The following PTPRD variants were observed in gnomAD, a reference collection of about 807,000 sequenced individuals.
The protein encoded by PTPRD is protein tyrosine phosphatase receptor type D.
A neutral mutation model predicts 214.5 loss-of-function variants in PTPRD; 34 were observed. That is an observed-to-expected ratio of 0.16 (90% CI 0.12 to 0.21). PTPRD has a LOEUF of 0.21. Among genes scored for constraint, PTPRD ranks in the 10% least tolerant of loss-of-function variants. The pLI is 1.00. For missense variants in PTPRD, 2,545 were observed against 2,398.7 expected (o/e 1.06, Z -1.27); for synonymous variants, 1,128 against 845.7 (o/e 1.33, Z -5.79).
intron 11 of PTPRD, among the ~76,000 whole-genome samples, chr9:8,892,660 TGTATATATATGTGTATATATATATGA>T (rs1355268678): frequency 0.012 from 1,775 of 142,088 alleles, 29 homozygotes; most frequent in African/African-American, 0.042. Context: ...TATATATGAG[TGTATATATATGTGTATATATATATGA>T]GTGTATATAT....
chr9:8,696,240 C>A (rs2097908863), intron 12 of PTPRD, among the ~76,000 whole-genome samples: 1 of 152,202 alleles, frequency 6.6e-6, no homozygotes, highest in Non-Finnish European at 1.5e-5. Context: ...ACCATTCTTG[C>A]TTTCCAACAG....
chr9:10,176,189 T>C (rs1455418700), intron 3 of PTPRD, among the ~76,000 whole-genome samples: 1 of 151,998 alleles, frequency 6.6e-6, no homozygotes, highest in East Asian at 1.9e-4. Flanking sequence ...TAATATTACA[T>C]GTAAATCCAG....
intron 9 of PTPRD, among the ~76,000 whole-genome samples, chr9:9,298,063 T>C (rs1292890194): frequency 6.6e-6 from 1 of 151,756 alleles, no homozygotes; most frequent in East Asian, 1.9e-4. Flanking sequence ...AGACAATGGA[T>C]GGGTAAAAGA....
At chr9:8,486,854 A>G (rs1216924522) in intron 27 of PTPRD, among the ~76,000 whole-genome samples, 2 of 152,168 alleles carry the variant, frequency 1.3e-5, no homozygotes, top group Non-Finnish European at 2.9e-5. Flanking sequence ...TATCTTCTAT[A>G]ATGAGAAAAT....
intron 5 of PTPRD, among the ~76,000 whole-genome samples, chr9:9,809,223 G>A (rs914254745): frequency 6.7e-6 from 1 of 150,374 alleles, no homozygotes; most frequent in Non-Finnish European, 1.5e-5. Flanking sequence ...GTTCATTTCA[G>A]CAGTGAACCT....
chr9:9,133,194 C>G (rs10977511), intron 10 of PTPRD, among the ~76,000 whole-genome samples: 3 of 151,992 alleles, frequency 2.0e-5, no homozygotes, highest in Non-Finnish European at 4.4e-5. Flanking sequence ...ATCCTAAAAC[C>G]ATTGGAAGAG....
chr9:8,986,750 G>GT (rs1288375092), intron 11 of PTPRD, among the ~76,000 whole-genome samples: 23 of 152,034 alleles, frequency 1.5e-4, no homozygotes, highest in African/African-American at 5.6e-4. Context: ...AGATACAAAT[G>GT]TGTAAGCATT....
intron 9 of PTPRD, among the ~76,000 whole-genome samples, chr9:9,306,400 C>A (rs1957135802): frequency 6.6e-6 from 1 of 151,158 alleles, no homozygotes; most frequent in Non-Finnish European, 1.5e-5. Flanking sequence ...CCCGTCTCTA[C>A]TAAAAATAAA....
At chr9:8,962,347 CAG>C (rs2099162959) in intron 11 of PTPRD, among the ~76,000 whole-genome samples, 1 of 152,112 alleles carries the variant, frequency 6.6e-6, no homozygotes, top group Non-Finnish European at 1.5e-5. Context: ...GCACATGATT[CAG>C]AGAGGCTAAT....
chr9:8,361,024 T>C (rs559388314), intron 39 of PTPRD, among the ~76,000 whole-genome samples: 1 of 152,314 alleles, frequency 6.6e-6, no homozygotes, highest in Admixed American at 6.5e-5. Flanking sequence ...TGTTCAAACC[T>C]TTTTTTCTGT....
intron 3 of PTPRD, among the ~76,000 whole-genome samples, chr9:10,290,141 T>C (rs2095487403): frequency 6.6e-6 from 1 of 152,154 alleles, no homozygotes; most frequent in Non-Finnish European, 1.5e-5. Context: ...AATAACTACA[T>C]TAAATGGTGA....
chr9:9,369,830 G>C (rs2058948393), intron 9 of PTPRD, among the ~76,000 whole-genome samples: 1 of 152,054 alleles, frequency 6.6e-6, no homozygotes, highest in Non-Finnish European at 1.5e-5. Flanking sequence ...TCTACATATG[G>C]CTAGCCAGTT....
intron 10 of PTPRD, among the ~76,000 whole-genome samples, chr9:9,021,873 G>C (rs2099570972): frequency 2.6e-5 from 4 of 151,560 alleles, no homozygotes; most frequent in South Asian, 2.1e-4. Context: ...TATTACAAAA[G>C]AGTCAAAAAG....
chr9:9,329,113 C>A (rs1595870658), intron 9 of PTPRD, among the ~76,000 whole-genome samples: 1 of 152,076 alleles, frequency 6.6e-6, no homozygotes, highest in South Asian at 2.1e-4. Flanking sequence ...CCCAAAACCA[C>A]CTCCAATTGT....
At chr9:9,970,573 T>TC (rs976688346) in intron 4 of PTPRD, among the ~76,000 whole-genome samples, 1 of 151,904 alleles carries the variant, frequency 6.6e-6, no homozygotes, top group Non-Finnish European at 1.5e-5. Context: ...ATTGTCCTCC[T>TC]CCCCCCACAC....
chr9:9,119,530 T>C (rs1434525482), intron 10 of PTPRD, among the ~76,000 whole-genome samples: 1 of 150,952 alleles, frequency 6.6e-6, no homozygotes, highest in Non-Finnish European at 1.5e-5. Context: ...CAATTCAGAT[T>C]CTGTGATTTT....
intron 5 of PTPRD, among the ~76,000 whole-genome samples, chr9:9,803,063 A>G (rs1247546796): frequency 6.6e-6 from 1 of 151,928 alleles, no homozygotes; most frequent in Non-Finnish European, 1.5e-5. Flanking sequence ...TTTGCAGCAT[A>G]TGCATATCGG....
At chr9:9,382,211 A>C (rs2062527616) in intron 9 of PTPRD, among the ~76,000 whole-genome samples, 1 of 152,012 alleles carries the variant, frequency 6.6e-6, no homozygotes, top group Admixed American at 6.6e-5. Flanking sequence ...AACACAAGTA[A>C]TTTTTATATG....
At chr9:9,796,314 T>C (rs902491012) in intron 5 of PTPRD, among the ~76,000 whole-genome samples, 12 of 152,264 alleles carry the variant, frequency 7.9e-5, no homozygotes, top group Admixed American at 2.6e-4. Context: ...ATGGTGCCTA[T>C]CATGGATAGA....
Sources: gnomAD v4.1 joint callset for allele counts (sites outside exome capture counted in the v4.1 genomes callset) on GRCh38, gnomAD v4.1.1 for gene constraint, MANE v1.5 for transcripts, NCBI Gene and HGNC (gene_info 2026-07-23, HGNC 2026-07-21) for gene names.